Variants in USP53 observed in about 807,000 individuals in gnomAD.
USP53 encodes ubiquitin specific peptidase 53.
A neutral mutation model predicts 94.9 loss-of-function variants in USP53; 71 were observed. That is an observed-to-expected ratio of 0.75 (90% CI 0.62 to 0.91). The LOEUF (loss-of-function observed/expected upper bound fraction) is 0.91, where lower values mean the gene tolerates loss of function less well. Ranked by LOEUF, USP53 falls within the 40% of genes least tolerant of loss-of-function variation. The pLI, the probability that USP53 is intolerant of heterozygous loss-of-function variation, is 0.00. For missense variants in USP53, 1,173 were observed against 1,281.0 expected, an observed-to-expected ratio of 0.92 and a Z score of 1.29; for synonymous variants, 375 against 422.7, an observed-to-expected ratio of 0.89 and a Z score of 1.39.
intron 3 of USP53, among the ~76,000 whole-genome samples, chr4:119,222,101 G>A (rs1265348429): frequency 6.6e-6 from 1 of 152,034 alleles, no homozygotes; most frequent in Non-Finnish European, 1.5e-5. Context: ...TTCTATGATG[G>A]TGGATATAGG....
chr4:119,229,817 C>T (rs1439232990), intron 3 of USP53, among the ~76,000 whole-genome samples: 1 of 152,102 alleles, frequency 6.6e-6, no homozygotes, highest in African/African-American at 2.4e-5. Context: ...ATTGTAATTT[C>T]TCTGCTTAAA....
At position 119,282,421 on chromosome 4, in the gene USP53, A is replaced by G. The variant is rs1406500573; in HGVS notation, c.2251+8713A>G. 2.6e-5 allele frequency among the ~76,000 whole-genome samples: 4 copies of G among 152,116 alleles called. No homozygotes were observed. The East Asian group carries it at 7.7e-4, about 29-fold the overall frequency. ...ATTTTTACAGCAGCTGCACCATTTT[A>G]CATTCCCACCAGCAGTGCATAAGGA... On this transcript the variant is annotated intron_variant, in intron 17 of 18. Transcript: ENST00000692078.
intron 17 of USP53, among the ~76,000 whole-genome samples, chr4:119,282,651 G>T (rs35612705): frequency 0.092 from 14,030 of 152,022 alleles, 834 homozygotes; most frequent in Non-Finnish European, 0.13. Flanking sequence ...TTTGTGTTGT[G>T]CCTTGTGGTA....
intron 3 of USP53, among the ~76,000 whole-genome samples, chr4:119,231,566 T>C (rs905536722): frequency 3.3e-5 from 5 of 152,178 alleles, no homozygotes; most frequent in Non-Finnish European, 7.4e-5. Flanking sequence ...TGCCTCTGGG[T>C]TGGAGGTCCC....
chr4:119,280,834 G>GA (rs762340114), intron 17 of USP53, among the ~76,000 whole-genome samples: 17 of 152,286 alleles, frequency 1.1e-4, no homozygotes, highest in South Asian at 4.1e-4. Context: ...GGACATAAAG[G>GA]AAGATATATT....
chr4:119,285,854 C>A (rs935395374), intron 17 of USP53, among the ~76,000 whole-genome samples: 5 of 151,928 alleles, frequency 3.3e-5, no homozygotes, highest in African/African-American at 1.2e-4. Flanking sequence ...CTTGCTGTGG[C>A]CTACCCAGGA....
intron 3 of USP53, 34 bp downstream of exon 3, chr4:119,217,707 T>G (rs1355412478): frequency 6.6e-6 from 1 of 152,178 alleles, no homozygotes; most frequent in Admixed American, 6.5e-5. Context: ...GTAGAGATTG[T>G]GATGGTTTGC....
intron 2 of USP53, among the ~76,000 whole-genome samples, chr4:119,215,784 G>A (rs1057414516): frequency 6.6e-6 from 1 of 152,124 alleles, no homozygotes; most frequent in Non-Finnish European, 1.5e-5. Context: ...CTTCAGAAGA[G>A]TTGCTTCATA....
At position 119,255,469 on chromosome 4, in the gene USP53, C is replaced by T. The variant is rs527400215; in HGVS notation, c.373-777C>T. 5.3e-5 allele frequency among the ~76,000 whole-genome samples: 8 copies of T among 152,320 alleles called. No homozygotes were observed. The South Asian group carries it at 1.4e-3, about 28-fold the overall frequency. ...CTCAGCAAGGGCAGACACCCCTCCC[C>T]TCAACCAACCTCCCGCATCCCAGGT... On this transcript the variant is annotated intron_variant, in intron 7 of 18. Coordinates refer to ENST00000692078, the MANE Select transcript of USP53 (RefSeq NM_001371395.1).
In USP53 at chr4:119,261,809, C is replaced by T; in HGVS notation, c.917C>T (p.Ala306Val). 1 of 1,518,312 alleles carries T rather than the reference C, an allele frequency of 6.6e-7. No individual in the cohort carries two copies. The highest frequency in any genetic ancestry group is 9.0e-7 in the Non-Finnish European group (1 of 1,115,396). The allele number at this position is 1,518,312 out of a possible 1,614,324, so 94.1% of individuals were successfully genotyped here. The change falls in exon 12 of 19, where the codon GCA (alanine) becomes GTA (valine). Residue 306 changes from alanine (A) to valine (V), a missense_variant. Physicochemically the swap from Ala to Val is moderately conservative, Grantham distance 64 (BLOSUM62 0). Coordinates refer to ENST00000692078, the MANE Select transcript of USP53 (RefSeq NM_001371395.1). The part of the protein sequence containing the change: ...CYTSQHYCAF[A>V]FHTKSSKWVF... ...ACCAGCCAACATTATTGTGCCTTTG[C>T]ATTTCACACCAAAAGTTCCAAATGG...
At chr4:119,277,944 A>G (rs1171790106) in intron 17 of USP53, among the ~76,000 whole-genome samples, 3 of 130,498 alleles carry the variant, frequency 2.3e-5, no homozygotes, top group African/African-American at 2.9e-5. Flanking sequence ...TTTGTTTTCC[A>G]TTGGCTTGGT....
intron 3 of USP53, among the ~76,000 whole-genome samples, chr4:119,228,962 G>A (rs189193314): frequency 7.9e-5 from 12 of 152,318 alleles, no homozygotes; most frequent in Admixed American, 3.3e-4. Context: ...AGATTTAGAT[G>A]AATAAAAGGG....
chr4:119,221,900 A>T (rs1476078662), intron 3 of USP53, among the ~76,000 whole-genome samples: 1 of 152,146 alleles, frequency 6.6e-6, no homozygotes, highest in Non-Finnish European at 1.5e-5. Flanking sequence ...CATGGACATA[A>T]ACTGCATTGC....
chr4:119,278,427 C>T (rs1271030736), intron 17 of USP53, among the ~76,000 whole-genome samples: 1 of 144,460 alleles, frequency 6.9e-6, no homozygotes, highest in African/African-American at 2.5e-5. Flanking sequence ...TGAATATTGG[C>T]CCCCACTCTC....
intron 7 of USP53, among the ~76,000 whole-genome samples, chr4:119,252,172 A>G (rs551815157): frequency 4.6e-5 from 7 of 152,334 alleles, no homozygotes; most frequent in Admixed American, 4.6e-4. Flanking sequence ...AATGTTCATC[A>G]GGGATATTGG....
At chr4:119,252,069 C>T (rs1749085192) in intron 7 of USP53, among the ~76,000 whole-genome samples, 1 of 152,186 alleles carries the variant, frequency 6.6e-6, no homozygotes, top group Non-Finnish European at 1.5e-5. Context: ...AGCCTTGCAT[C>T]AGAGGGATGA....
rs1168465714 is a variant in USP53, at chr4:119,271,451, A to G, written c.1591A>G (p.Ile531Val). ...VVPQSRASAQ[I>V]ISSSKSQILA... Reference sequence around the variant, plus strand: ...ACCTCAGAGTCGAGCTTCTGCACAAATAATAAGTTCAAGTAAATCCCAGAT... The same window carrying G: ...ACCTCAGAGTCGAGCTTCTGCACAAGTAATAAGTTCAAGTAAATCCCAGAT... Residue 531 changes from isoleucine to valine, a missense_variant, in exon 16 of 19, where the codon ATA becomes GTA. Physicochemically the swap from Ile to Val is conservative, Grantham distance 29 (BLOSUM62 3). Coordinates refer to ENST00000692078, the MANE Select transcript of USP53 (RefSeq NM_001371395.1). 3 of 1,613,678 alleles carry G rather than the reference A, an allele frequency of 1.9e-6. No individual in the cohort carries two copies. The highest frequency in any genetic ancestry group is 2.7e-5 in the African/African-American group (2 of 74,894).
At chr4:119,236,062 G>A (rs918575138) in intron 4 of USP53, among the ~76,000 whole-genome samples, 2 of 152,112 alleles carry the variant, frequency 1.3e-5, no homozygotes, top group Admixed American at 1.3e-4. Flanking sequence ...ATTCATCAAC[G>A]AAATTCAGTT....
intron 3 of USP53, 45 bp from the exon 4 acceptor site, chr4:119,235,245 C>G (rs1003218071): frequency 2.0e-5 from 3 of 152,154 alleles, no homozygotes; most frequent in African/African-American, 7.2e-5. Flanking sequence ...CTGTGGAACT[C>G]AGTGACTGTT....
Sources: allele counts gnomAD v4.1 joint callset (sites outside exome capture counted in the v4.1 genomes callset), GRCh38; gene constraint gnomAD v4.1.1; transcripts MANE v1.5; gene names NCBI Gene and HGNC (gene_info 2026-07-23, HGNC 2026-07-21).